Variants in PRKD1 observed in about 807,000 individuals in gnomAD.
PRKD1 encodes protein kinase D1.
A neutral mutation model predicts 95.9 loss-of-function variants in PRKD1; 63 were observed. The ratio of observed to expected loss-of-function variants is 0.66; its 90% confidence interval spans 0.54 to 0.81. The LOEUF (loss-of-function observed/expected upper bound fraction) is 0.81, where lower values mean the gene tolerates loss of function less well. PRKD1 is among the 30% of genes least tolerant of loss of function. The probability of loss-of-function intolerance (pLI) is 0.00; values close to 1 mark genes in which losing one functional copy is unlikely to be tolerated. For synonymous variants in PRKD1, 425 were observed against 423.1 expected, an observed-to-expected ratio of 1.00 and a Z score of -0.05; for missense variants, 1,048 against 1,165.3, an observed-to-expected ratio of 0.90 and a Z score of 1.47.
intron 2 of PRKD1, among the ~76,000 whole-genome samples, chr14:29,721,122 C>T (rs1333385902): frequency 6.6e-6 from 1 of 152,150 alleles, no homozygotes; most frequent in African/African-American, 2.4e-5. Flanking sequence ...TCATTTTCAG[C>T]TCTTCTGTCA....
rs777521591 is a variant in PRKD1, at chr14:29,577,261, C to G, written c.2716G>C (p.Gly906Arg). The G allele has an allele frequency of 6.2e-7, 1 of 1,613,370 alleles. No homozygotes were observed. Among genetic ancestry groups the G allele is most frequent in the Admixed American group, 1.7e-5 (1 of 59,942 alleles). Residue 906 changes from glycine to arginine, a missense_variant, in exon 18 of 18, where the codon GGT becomes CGT. This residue lies in a region of PRKD1 where 739 missense variants were observed against 861.9 expected (regional missense o/e 0.86). Transcript: ENST00000331968. Reference sequence around the variant, plus strand: ...ACTCAGAGGATGCTGACACGCTCACCGAGGGCTTTCATTTCTGTTTCTTCA... The same window carrying G: ...ACTCAGAGGATGCTGACACGCTCACGGAGGGCTTTCATTTCTGTTTCTTCA... ...ETEETEMKAL[G>R]ERVSIL
At chr14:29,665,646 A>G (rs960402774) in intron 3 of PRKD1, among the ~76,000 whole-genome samples, 5 of 152,106 alleles carry the variant, frequency 3.3e-5, no homozygotes, top group African/African-American at 1.2e-4. Flanking sequence ...AAAGGTATGG[A>G]ATCAACCTAA....
intron 1 of PRKD1, among the ~76,000 whole-genome samples, chr14:29,799,992 T>C (rs1396498732): frequency 1.3e-5 from 2 of 152,120 alleles, no homozygotes; most frequent in African/African-American, 4.8e-5. Context: ...TGCCGTCTAG[T>C]GTTCCTAAGT....
At chr14:29,925,273 C>A (rs1895257298) in intron 1 of PRKD1, among the ~76,000 whole-genome samples, 1 of 152,192 alleles carries the variant, frequency 6.6e-6, no homozygotes, top group African/African-American at 2.4e-5. Flanking sequence ...TAGCTCATGA[C>A]TGAACTTCGG....
chr14:29,617,119 CA>C, intron 13 of PRKD1, among the ~76,000 whole-genome samples: 1 of 152,302 alleles, frequency 6.6e-6, no homozygotes, highest in South Asian at 2.1e-4. Flanking sequence ...CATGTTGCTG[CA>C]AAGACATGAT....
chr14:29,847,009 T>G (rs765774843), intron 1 of PRKD1, among the ~76,000 whole-genome samples: 4 of 152,054 alleles, frequency 2.6e-5, no homozygotes, highest in Non-Finnish European at 5.9e-5. Context: ...GATAGCCAAA[T>G]CCCTAGGAAA....
At chr14:29,716,238 A>T (rs1385622624) in intron 2 of PRKD1, among the ~76,000 whole-genome samples, 1 of 152,172 alleles carries the variant, frequency 6.6e-6, no homozygotes, top group Non-Finnish European at 1.5e-5. Context: ...CTGGCTGAAA[A>T]TCCACTTGCC....
At chr14:29,898,375 G>T (rs1299350233) in intron 1 of PRKD1, among the ~76,000 whole-genome samples, 1 of 152,082 alleles carries the variant, frequency 6.6e-6, no homozygotes, top group Non-Finnish European at 1.5e-5. Context: ...AAAGCAGTCA[G>T]TAGAATGGTA....
At chr14:29,768,392 G>A (rs548258755) in intron 1 of PRKD1, among the ~76,000 whole-genome samples, 1 of 152,052 alleles carries the variant, frequency 6.6e-6, no homozygotes, top group African/African-American at 2.4e-5. Flanking sequence ...TTAATCACTG[G>A]TACTTTGGTA....
At position 29,636,279 on chromosome 14, in the gene PRKD1, G is replaced by A. The variant is rs2139128805; in HGVS notation, c.1190+11C>T. 6.2e-7 allele frequency: 1 copy of A among 1,614,182 alleles called. No individual in the cohort carries two copies. On this transcript the variant is annotated intron_variant, in intron 7 of 17. Coordinates refer to ENST00000331968, the MANE Select transcript of PRKD1 (RefSeq NM_002742.3). ...TCCCCTGTTGGCTGAGGCTGGGAGT[G>A]CTGCTCTCACCTGATGGTTCTGTTG... is the stretch of plus-strand genomic sequence containing the variant.
chr14:29,667,584 A>G (rs562426938), intron 2 of PRKD1, among the ~76,000 whole-genome samples: 1 of 152,306 alleles, frequency 6.6e-6, no homozygotes, highest in South Asian at 2.1e-4. Flanking sequence ...AATGTGTCCA[A>G]TTGGGAGAAG....
chr14:29,880,524 A>C (rs1036774882), intron 1 of PRKD1, among the ~76,000 whole-genome samples: 15 of 152,224 alleles, frequency 9.9e-5, no homozygotes, highest in East Asian at 1.9e-4. Context: ...AGGGCAGTGC[A>C]GAAAGGAAAT....
intron 1 of PRKD1, among the ~76,000 whole-genome samples, chr14:29,800,335 C>A (rs1029308041): frequency 2.0e-5 from 3 of 152,156 alleles, no homozygotes; most frequent in Non-Finnish European, 4.4e-5. Context: ...GCACTGGTTG[C>A]GTAGAGGCGT....
chr14:29,624,258 C>T lies in PRKD1; in HGVS notation c.1799G>A (p.Gly600Glu), dbSNP rs763544663. Residue 600 changes from glycine to glutamate, a missense_variant and splice_region_variant, in exon 13 of 18, where the codon GGA becomes GAA. Physicochemically the swap from Gly to Glu is moderately conservative, Grantham distance 98. This residue lies in a region of PRKD1 where 739 missense variants were observed against 861.9 expected (regional missense o/e 0.86). Transcript: ENST00000331968. Reference sequence around the variant, plus strand: ...ATCTCTTCCTGTTTTACGATGTTTTCCTTTAAAATGAAAAAGGGAAGCATT... The same window carrying T: ...ATCTCTTCCTGTTTTACGATGTTTTTCTTTAAAATGAAAAAGGGAAGCATT... ...GSGQFGIVYGGKHRKTGRDVA... is the reference protein window; with the variant it reads ...GSGQFGIVYGEKHRKTGRDVA... 6.3e-7 allele frequency: 1 copy of T among 1,589,154 alleles called. No homozygotes were observed. Among genetic ancestry groups the T allele is most frequent in the Non-Finnish European group, 8.6e-7 (1 of 1,167,188 alleles).
chr14:29,908,410 C>T (rs1202556130), intron 1 of PRKD1, among the ~76,000 whole-genome samples: 2 of 152,160 alleles, frequency 1.3e-5, no homozygotes, highest in African/African-American at 2.4e-5. Flanking sequence ...TCTTCTGCCT[C>T]AGCCTCCCAA....
At chr14:29,683,873 C>A (rs1314532722) in intron 2 of PRKD1, among the ~76,000 whole-genome samples, 1 of 152,168 alleles carries the variant, frequency 6.6e-6, no homozygotes, top group African/African-American at 2.4e-5. Flanking sequence ...AAATCTAAGG[C>A]TTTTGGAATT....
At chr14:29,782,722 T>G (rs1372243086) in intron 1 of PRKD1, among the ~76,000 whole-genome samples, 1 of 151,932 alleles carries the variant, frequency 6.6e-6, no homozygotes, top group Non-Finnish European at 1.5e-5. Context: ...TTTCTTTTTT[T>G]TTGGTTGAGA....
chr14:29,770,247 G>A (rs556874698), intron 1 of PRKD1, among the ~76,000 whole-genome samples: 1 of 152,310 alleles, frequency 6.6e-6, no homozygotes, highest in Non-Finnish European at 1.5e-5. Flanking sequence ...GACAAATACA[G>A]ATATTGGTAC....
chr14:29,835,543 T>A (rs1891579923), intron 1 of PRKD1, among the ~76,000 whole-genome samples: 1 of 152,174 alleles, frequency 6.6e-6, no homozygotes, highest in Non-Finnish European at 1.5e-5. Flanking sequence ...GGCTTTGCTT[T>A]TGAACAAATT....
Sources: gnomAD v4.1 joint callset for allele counts (sites outside exome capture counted in the v4.1 genomes callset) on GRCh38, gnomAD v4.1.1 for gene constraint, gnomAD v4.1.1 regional missense constraint, MANE v1.5 for transcripts, NCBI Gene and HGNC (gene_info 2026-07-23, HGNC 2026-07-21) for gene names.